LAMB4: variants seen among roughly 807,000 people sequenced by gnomAD.
LAMB4 encodes laminin subunit beta 4, also known as laminin subunit beta-4.
In LAMB4, 196 loss-of-function variants were observed where a neutral mutation model predicts 199.2. That is an observed-to-expected ratio of 0.98 (90% CI 0.88 to 1.11). The LOEUF (loss-of-function observed/expected upper bound fraction) is 1.11, where lower values mean the gene tolerates loss of function less well. LAMB4 is among the 50% of genes least tolerant of loss of function. The pLI is 0.00. For synonymous variants in LAMB4, 744 were observed against 770.6 expected, an observed-to-expected ratio of 0.97 and a Z score of 0.57; for missense variants, 2,080 against 2,171.2, an observed-to-expected ratio of 0.96 and a Z score of 0.83.
chr7:108,095,733 C>T (rs1201443352), intron 11 of LAMB4, among the ~76,000 whole-genome samples: 3 of 152,188 alleles, frequency 2.0e-5, no homozygotes, highest in Non-Finnish European at 2.9e-5. Context: ...ATCCCACTCT[C>T]TCTTCTCTCC....
intron 17 of LAMB4, among the ~76,000 whole-genome samples, chr7:108,076,512 A>T (rs995745374): frequency 2.0e-5 from 3 of 152,180 alleles, no homozygotes; most frequent in African/African-American, 7.2e-5. Context: ...GGATGTATAA[A>T]ATGGGAACTT....
chr7:108,123,629 T>C (rs1347407024), intron 1 of LAMB4, among the ~76,000 whole-genome samples: 1 of 152,200 alleles, frequency 6.6e-6, no homozygotes, highest in African/African-American at 2.4e-5. Flanking sequence ...ATTGCACCAC[T>C]GCACTCCAGC....
intron 4 of LAMB4, among the ~76,000 whole-genome samples, chr7:108,109,494 G>A (rs1427644853): frequency 6.6e-6 from 1 of 152,192 alleles, no homozygotes; most frequent in Admixed American, 6.5e-5. Flanking sequence ...CCACTATGTG[G>A]CAGCATTACA....
At chr7:108,086,889 A>C (rs1052365960) in intron 14 of LAMB4, among the ~76,000 whole-genome samples, 1 of 152,130 alleles carries the variant, frequency 6.6e-6, no homozygotes, top group Non-Finnish European at 1.5e-5. Flanking sequence ...ATTTTAAATA[A>C]ACTCCCTAGG....
chr7:108,122,803 A>G (rs7784634), intron 2 of LAMB4, among the ~76,000 whole-genome samples: 1 of 152,174 alleles, frequency 6.6e-6, no homozygotes, highest in Non-Finnish European at 1.5e-5. Flanking sequence ...ATTGCTGGGA[A>G]AAGTGTTACA....
intron 14 of LAMB4, among the ~76,000 whole-genome samples, chr7:108,085,606 T>G (rs1381350136): frequency 6.6e-6 from 1 of 152,048 alleles, no homozygotes; most frequent in Non-Finnish European, 1.5e-5. Context: ...ATTTTTTTAT[T>G]TTTATGTATT....
intron 12 of LAMB4, among the ~76,000 whole-genome samples, chr7:108,093,704 C>T (rs985179424): frequency 2.0e-5 from 3 of 152,084 alleles, no homozygotes; most frequent in African/African-American, 4.8e-5. Context: ...AATTCTCCTC[C>T]CACACATCTC....
chr7:108,110,344 CT>C (rs2038177842), intron 4 of LAMB4, among the ~76,000 whole-genome samples: 1 of 152,132 alleles, frequency 6.6e-6, no homozygotes, highest in South Asian at 2.1e-4. Context: ...ATCAGTGATT[CT>C]TTATTATACA....
intron 2 of LAMB4, among the ~76,000 whole-genome samples, chr7:108,117,254 A>C (rs1584786258): frequency 6.6e-6 from 1 of 152,204 alleles, no homozygotes; most frequent in East Asian, 1.9e-4. Context: ...AAGTTAGATA[A>C]AGAAGGAAAC....
At chr7:108,078,981 C>T (rs981769866) in intron 15 of LAMB4, among the ~76,000 whole-genome samples, 1 of 152,186 alleles carries the variant, frequency 6.6e-6, no homozygotes, top group Admixed American at 6.5e-5. Context: ...GCCTCTAAGA[C>T]CACACCCCCC....
intron 17 of LAMB4, chr7:108,075,858 G>T: frequency 6.1e-6 from 1 of 163,366 alleles, no homozygotes. Context: ...TACTCGGGAA[G>T]CTGAAGCAGG....
chr7:108,098,881 G>C (rs2037723694), intron 10 of LAMB4, among the ~76,000 whole-genome samples: 1 of 152,186 alleles, frequency 6.6e-6, no homozygotes, highest in Non-Finnish European at 1.5e-5. Context: ...AGAATAGACT[G>C]ATTCTTCTGG....
intron 4 of LAMB4, among the ~76,000 whole-genome samples, chr7:108,110,467 C>T (rs531373807): frequency 4.6e-5 from 7 of 152,310 alleles, no homozygotes; most frequent in South Asian, 2.1e-4. Flanking sequence ...TGGCTCCAGA[C>T]GAAAGCGGCT....
Position 108,043,879 on chromosome 7 carries a change from T to C in LAMB4, c.4344A>G (p.Glu1448=), listed in dbSNP as rs773738271. Reference sequence around the variant, plus strand: ...CATTGTTTTTGGAGACTTCTGCCTGTTCACTTATACTTTCGATCTGGAATG... The same window carrying C: ...CATTGTTTTTGGAGACTTCTGCCTGCTCACTTATACTTTCGATCTGGAATG... ...GLKNQIESIS[E]QAEVSKNNAL... Residue 1448 remains glutamate (E), a synonymous_variant, in exon 29 of 34, where the codon GAA becomes GAG. Transcript: ENST00000388781. The C allele has an allele frequency of 6.2e-7, 1 of 1,602,256 alleles. No individual in the cohort carries two copies. The highest frequency in any genetic ancestry group is 1.7e-5 in the Admixed American group (1 of 57,320).
At chr7:108,043,488 A>G (rs1174403050) in intron 29 of LAMB4, among the ~76,000 whole-genome samples, 1 of 140,008 alleles carries the variant, frequency 7.1e-6, no homozygotes, top group African/African-American at 2.5e-5. Context: ...AGGGTATATC[A>G]TTTTTCTGAT....
intron 23 of LAMB4, among the ~76,000 whole-genome samples, chr7:108,059,097 C>CTTTTTT (rs57814646): frequency 2.8e-5 from 3 of 107,842 alleles, no homozygotes; most frequent in Non-Finnish European, 3.8e-5. Context: ...CAATCTGCCA[C>CTTTTTT]TTTTTTTTTT....
intron 14 of LAMB4, among the ~76,000 whole-genome samples, chr7:108,085,388 T>C (rs528180096): frequency 1.3e-5 from 2 of 152,374 alleles, no homozygotes; most frequent in East Asian, 3.9e-4. Flanking sequence ...AAACTGGCAC[T>C]GCACTCTGCA....
the LAMB4 span, among the ~76,000 whole-genome samples, chr7:108,014,409 G>A: frequency 6.6e-6 from 1 of 151,966 alleles, no homozygotes; most frequent in East Asian, 1.9e-4. Context: ...GCCACTTCCT[G>A]TGCTCATATG....
In LAMB4 at chr7:108,034,245, G is replaced by A. The variant is rs774333051; in HGVS notation, c.4781C>T (p.Thr1594Ile). Residue 1594 changes from threonine to isoleucine, a missense_variant, in exon 31 of 34, where the codon ACT (threonine) becomes ATT (isoleucine). Thr to Ile is a moderately conservative substitution (Grantham distance 89, BLOSUM62 -1). Transcript: ENST00000388781. Reference sequence around the variant, plus strand: ...CTTTTTTATTTTTGTTATATTGGCAGTCAGCTGTGTAATGGTAGAGTTTGC... The same window carrying A: ...CTTTTTTATTTTTGTTATATTGGCAATCAGCTGTGTAATGGTAGAGTTTGC... ...GRANSTITQL[T>I]ANITKIKKNV... is the part of the protein sequence containing the mutation. 4.8e-5 allele frequency: 77 copies of A among 1,613,882 alleles called. No individual in the cohort carries two copies. The highest frequency in any genetic ancestry group is 6.1e-5 in the Non-Finnish European group (72 of 1,179,928).
Sources: allele counts gnomAD v4.1 joint callset (sites outside exome capture counted in the v4.1 genomes callset), GRCh38; gene constraint gnomAD v4.1.1; transcripts MANE v1.5; gene names NCBI Gene and HGNC (gene_info 2026-07-23, HGNC 2026-07-21).